The following TSPAN13 variants were observed in gnomAD, a reference collection of about 807,000 sequenced individuals.
TSPAN13 encodes the protein tetraspanin-13.
In TSPAN13, 18 loss-of-function variants were observed where a neutral mutation model predicts 26.9. The observed-to-expected ratio is 0.67, with a 90% CI of 0.46 to 0.99. The LOEUF (loss-of-function observed/expected upper bound fraction) is 0.99. TSPAN13 is among the 50% of genes least tolerant of loss of function. The pLI is 0.00. For synonymous variants in TSPAN13, 116 were observed against 98.4 expected, an observed-to-expected ratio of 1.18 and a Z score of -1.06; for missense variants, 201 against 249.6, an observed-to-expected ratio of 0.81 and a Z score of 1.31.
At chr7:16,773,167 G>GC (rs1047821953) in intron 1 of TSPAN13, among the ~76,000 whole-genome samples, 1 of 151,270 alleles carries the variant, frequency 6.6e-6, no homozygotes, top group African/African-American at 2.4e-5. Flanking sequence ...AAAATCTTGG[G>GC]GGGGGGCGGT....
intron 1 of TSPAN13, among the ~76,000 whole-genome samples, chr7:16,763,701 C>T (rs2115325203): frequency 6.6e-6 from 1 of 152,286 alleles, no homozygotes; most frequent in South Asian, 2.1e-4. Flanking sequence ...TCCCTTGGAT[C>T]AATCACTGTT....
chr7:16,777,897 G>T lies in TSPAN13; in HGVS notation c.412G>T (p.Asp138Tyr). ...TGGGTTCCGAAGTGTTAACCCAAATGACACCTGTCTGGCTGTAAGTACATT... is the reference window on the plus strand; with the variant it reads ...TGGGTTCCGAAGTGTTAACCCAAATTACACCTGTCTGGCTGTAAGTACATT... ...CCGFRSVNPN[D>Y]TCLASCVKSD... Residue 138 changes from aspartate (D) to tyrosine (Y), a missense_variant, in exon 4 of 6, where the codon GAC (aspartate) becomes TAC (tyrosine). Coordinates refer to ENST00000262067, the MANE Select transcript of TSPAN13 (RefSeq NM_014399.4). 1 of 1,612,484 alleles carries T rather than the reference G, an allele frequency of 6.2e-7. No homozygotes were observed. The highest frequency in any genetic ancestry group is 1.1e-5 in the South Asian group (1 of 90,870).
chr7:16,755,078 C>A (rs1784467689), intron 1 of TSPAN13, among the ~76,000 whole-genome samples: 1 of 152,006 alleles, frequency 6.6e-6, no homozygotes, highest in Non-Finnish European at 1.5e-5. Flanking sequence ...ACTTCCTCTT[C>A]TGTCATCATC....
intron 1 of TSPAN13, among the ~76,000 whole-genome samples, chr7:16,754,575 T>G (rs1784461344): frequency 6.6e-6 from 1 of 152,238 alleles, no homozygotes. Flanking sequence ...TTCCGAAGTT[T>G]GTTTCGTGCT....
chr7:16,769,572 GTGA>G (rs1784650801), intron 1 of TSPAN13, among the ~76,000 whole-genome samples: 1 of 152,000 alleles, frequency 6.6e-6, no homozygotes, highest in African/African-American at 2.4e-5. Flanking sequence ...TAAAAAGTAT[GTGA>G]AAAAAATTTT....
chr7:16,762,625 G>C (rs1009521645), intron 1 of TSPAN13, among the ~76,000 whole-genome samples: 2 of 152,152 alleles, frequency 1.3e-5, no homozygotes, highest in African/African-American at 4.8e-5. Context: ...TAGAAACCCA[G>C]CTATCACTGC....
chr7:16,765,886 C>G (rs765523540), intron 1 of TSPAN13, among the ~76,000 whole-genome samples: 1 of 152,154 alleles, frequency 6.6e-6, no homozygotes, highest in Non-Finnish European at 1.5e-5. Flanking sequence ...CAAACCTAGG[C>G]TTTTTAATTA....
chr7:16,781,915 G>A (rs1784817568), intron 5 of TSPAN13, among the ~76,000 whole-genome samples: 1 of 152,176 alleles, frequency 6.6e-6, no homozygotes, highest in Non-Finnish European at 1.5e-5. Flanking sequence ...AACAGCCAGT[G>A]ACATGTCAGA....
intron 2 of TSPAN13, 140 bp from the exon 3 acceptor site, chr7:16,776,902 T>A: frequency 2.1e-6 from 1 of 474,916 alleles, no homozygotes; most frequent in East Asian, 3.1e-5. Flanking sequence ...TGTATCCTTT[T>A]TGAACTTTCT....
chr7:16,783,465 C>T lies in TSPAN13; in HGVS notation c.589C>T (p.Arg197Cys), dbSNP rs776714475. ...TYRYRNQKDP[R>C]ANPSAFL ...CAGATACAGGAACCAGAAAGACCCC[C>T]GCGCGAATCCTAGTGCATTCCTTTG... is the stretch of plus-strand genomic sequence containing the variant. The change falls in exon 6 of 6, where the codon CGC becomes TGC. Residue 197 changes from arginine to cysteine, a missense_variant. Arg to Cys is a radical substitution (Grantham distance 180, BLOSUM62 -3). Transcript: ENST00000262067. 9 of 1,613,776 alleles carry T rather than the reference C, an allele frequency of 5.6e-6. No homozygotes were observed. Among genetic ancestry groups the T allele is most frequent in the South Asian group, 2.2e-5 (2 of 91,044 alleles).
At chr7:16,780,885 G>C (rs1261305523) in intron 5 of TSPAN13, among the ~76,000 whole-genome samples, 1 of 152,082 alleles carries the variant, frequency 6.6e-6, no homozygotes, top group African/African-American at 2.4e-5. Flanking sequence ...GTCTCCTTTG[G>C]AAATCTGGCT....
In TSPAN13 at chr7:16,784,463, T is replaced by G. The variant is rs1431247210; in HGVS notation, c.*972T>G. ...TGGCTCTGTATATTCTGTTAAAAAA[T>G]TAAAGGACAGAAACCTTTCTTTGTG... is the stretch of plus-strand genomic sequence containing the variant. On this transcript the variant is annotated 3_prime_UTR_variant, in exon 6 of 6. Transcript: ENST00000262067. 1.3e-5 allele frequency: 2 copies of G among 152,146 alleles called. No homozygotes were observed. Among genetic ancestry groups the G allele is most frequent in the Non-Finnish European group, 2.9e-5 (2 of 67,996 alleles). 9.4% of individuals were successfully genotyped at this position (152,146 alleles called of 1,614,324 possible).
chr7:16,757,715 C>T (rs1010485328), intron 1 of TSPAN13, among the ~76,000 whole-genome samples: 1 of 151,942 alleles, frequency 6.6e-6, no homozygotes, highest in African/African-American at 2.4e-5. Context: ...ATTCTTTTTC[C>T]TTATACTTTT....
chr7:16,778,322 T>G (rs1784776679), intron 4 of TSPAN13, among the ~76,000 whole-genome samples: 1 of 152,228 alleles, frequency 6.6e-6, no homozygotes, highest in African/African-American at 2.4e-5. Flanking sequence ...GGGGTCTGTG[T>G]TATGTTTCTG....
chr7:16,760,022 G>A (rs544700065), intron 1 of TSPAN13, among the ~76,000 whole-genome samples: 22 of 152,228 alleles, frequency 1.4e-4, no homozygotes, highest in African/African-American at 5.3e-4. Context: ...AGGGACAGAT[G>A]AGTCAAATAT....
At chr7:16,775,502 A>G (rs564294996) in intron 1 of TSPAN13, among the ~76,000 whole-genome samples, 6 of 152,354 alleles carry the variant, frequency 3.9e-5, no homozygotes, top group Admixed American at 3.9e-4. Flanking sequence ...ATGATTTTTA[A>G]TAAAATAGAT....
At chr7:16,769,072 C>T (rs557668179) in intron 1 of TSPAN13, among the ~76,000 whole-genome samples, 4 of 152,080 alleles carry the variant, frequency 2.6e-5, no homozygotes, top group Non-Finnish European at 4.4e-5. Context: ...GTGATCATCC[C>T]GCCTTGGCTT....
At chr7:16,767,942 C>T (rs1784625691) in intron 1 of TSPAN13, among the ~76,000 whole-genome samples, 1 of 151,946 alleles carries the variant, frequency 6.6e-6, no homozygotes, top group South Asian at 2.1e-4. Flanking sequence ...GATGGAGTAT[C>T]GCTCTTGTTG....
intron 5 of TSPAN13, 31 bp from the exon 6 acceptor site, chr7:16,783,386 T>G: frequency 1.1e-5 from 17 of 1,595,716 alleles, no homozygotes; most frequent in Non-Finnish European, 1.5e-5. Context: ...ACTTTCTTTT[T>G]CTTTACTTTA....
Sources: allele counts gnomAD v4.1 joint callset (sites outside exome capture counted in the v4.1 genomes callset), GRCh38; gene constraint gnomAD v4.1.1; transcripts MANE v1.5; gene names NCBI Gene and HGNC (gene_info 2026-07-23, HGNC 2026-07-21).